Variants in PLEKHA5 observed in about 807,000 individuals in gnomAD.
PLEKHA5 encodes the protein pleckstrin homology domain-containing family A member 5.
A neutral mutation model predicts 181.9 loss-of-function variants in PLEKHA5; 55 were observed. That is an observed-to-expected ratio of 0.30 (90% confidence interval 0.24 to 0.38). The LOEUF (loss-of-function observed/expected upper bound fraction) is 0.38, where lower values mean the gene tolerates loss of function less well. PLEKHA5 is among the 10% of genes least tolerant of loss of function. PLEKHA5 has a pLI of 1.00. For synonymous variants in PLEKHA5, 535 were observed against 529.4 expected, an observed-to-expected ratio of 1.01 and a Z score of -0.15; for missense variants, 1,432 against 1,549.5, an observed-to-expected ratio of 0.92 and a Z score of 1.27.
chr12:19,160,941 G>A (rs2042824307), intron 3 of PLEKHA5, among the ~76,000 whole-genome samples: 1 of 152,046 alleles, frequency 6.6e-6, no homozygotes, highest in Non-Finnish European at 1.5e-5. Flanking sequence ...ATTAGTAATA[G>A]TAAAAGCGTA....
rs752932978 is a variant in PLEKHA5 at position 19,129,904 on chromosome 12, C to G, written c.89+16C>G. On this transcript the variant is annotated intron_variant, in intron 1 of 31. Coordinates refer to ENST00000429027, the MANE Select transcript of PLEKHA5 (RefSeq NM_001256470.2). ...TCTTCATCAAGTAAAGAGCCGGGGACGGCACGGGGGCCCGCGGGGGCGGGA... is the reference window on the plus strand; with the variant it reads ...TCTTCATCAAGTAAAGAGCCGGGGAGGGCACGGGGGCCCGCGGGGGCGGGA... 12 of 1,590,104 alleles carry G rather than the reference C, an allele frequency of 7.5e-6. No homozygotes were observed. The highest frequency in any genetic ancestry group is 3.4e-6 in the Non-Finnish European group (4 of 1,166,882).
intron 10 of PLEKHA5, among the ~76,000 whole-genome samples, chr12:19,272,378 T>G (rs1404743670): frequency 6.6e-6 from 1 of 152,188 alleles, no homozygotes; most frequent in African/African-American, 2.4e-5. Context: ...ATGTGTCTTT[T>G]TGACTACTTT....
intron 3 of PLEKHA5, among the ~76,000 whole-genome samples, chr12:19,193,428 T>G (rs2051744751): frequency 6.6e-6 from 1 of 152,224 alleles, no homozygotes; most frequent in African/African-American, 2.4e-5. Flanking sequence ...ATCAATTTCT[T>G]ACTTCAAATG....
chr12:19,231,279 G>A (rs16915248), intron 3 of PLEKHA5, among the ~76,000 whole-genome samples: 12,533 of 151,802 alleles, frequency 0.083, 727 homozygotes, highest in African/African-American at 0.16. Flanking sequence ...TACAAGTGTA[G>A]AATTGACTGT....
chr12:19,358,077 T>C (rs1445486711), intron 26 of PLEKHA5, 151 bp from the exon 27 acceptor site: 1 of 611,548 alleles, frequency 1.6e-6, no homozygotes, highest in African/African-American at 1.9e-5. Context: ...CAATTTCATG[T>C]GCCTTTCTGG....
At chr12:19,206,347 A>G (rs1430244047) in intron 3 of PLEKHA5, among the ~76,000 whole-genome samples, 1 of 152,116 alleles carries the variant, frequency 6.6e-6, no homozygotes, top group African/African-American at 2.4e-5. Flanking sequence ...TTGATTATGT[A>G]TTTATAATAG....
intron 3 of PLEKHA5, among the ~76,000 whole-genome samples, chr12:19,172,355 A>T (rs901393748): frequency 1.4e-5 from 2 of 147,810 alleles, no homozygotes; most frequent in Non-Finnish European, 3.0e-5. Flanking sequence ...AAATGTCATT[A>T]TGTGGTTCAT....
chr12:19,287,294 G>A (rs1437137799), intron 12 of PLEKHA5, among the ~76,000 whole-genome samples, 179 bp from the exon 13 acceptor site: 1 of 152,108 alleles, frequency 6.6e-6, no homozygotes, highest in Admixed American at 6.5e-5. Flanking sequence ...GTGAGCCACC[G>A]CACCCAGCCC....
At chr12:19,138,238 A>G (rs997141506) in intron 3 of PLEKHA5, among the ~76,000 whole-genome samples, 8 of 152,092 alleles carry the variant, frequency 5.3e-5, no homozygotes, top group Non-Finnish European at 1.0e-4. Flanking sequence ...TTAAGGGTGA[A>G]AAGTTATGTG....
intron 3 of PLEKHA5, chr12:19,200,405 A>G: frequency 6.6e-7 from 1 of 1,511,198 alleles, no homozygotes; most frequent in South Asian, 1.2e-5. Context: ...GCCTATGACT[A>G]GCTTCACTTC....
At chr12:19,145,078 A>G (rs1404276785) in intron 3 of PLEKHA5, among the ~76,000 whole-genome samples, 1 of 152,180 alleles carries the variant, frequency 6.6e-6, no homozygotes, top group African/African-American at 2.4e-5. Flanking sequence ...GCAGAGTTCA[A>G]ACATGAGGAT....
intron 20 of PLEKHA5, among the ~76,000 whole-genome samples, chr12:19,332,600 C>T (rs2092957159): frequency 6.6e-6 from 1 of 152,182 alleles, no homozygotes; most frequent in African/African-American, 2.4e-5. Flanking sequence ...AGTGATCCTC[C>T]CCCTGCCCAG....
At chr12:19,290,533 A>AC in intron 13 of PLEKHA5, 144 bp from the exon 14 acceptor site, 1 of 570,968 alleles carries the variant, frequency 1.8e-6, no homozygotes, top group Non-Finnish European at 3.0e-6. Context: ...TTTATGTAGG[A>AC]CCTATCATCA....
intron 3 of PLEKHA5, among the ~76,000 whole-genome samples, chr12:19,163,037 CT>C (rs1389553955): frequency 6.6e-6 from 1 of 152,104 alleles, no homozygotes; most frequent in Non-Finnish European, 1.5e-5. Flanking sequence ...ATATTGTCTC[CT>C]TTAATACTTA....
At chr12:19,350,709 A>G (rs2094550860) in intron 25 of PLEKHA5, among the ~76,000 whole-genome samples, 1 of 152,166 alleles carries the variant, frequency 6.6e-6, no homozygotes, top group Non-Finnish European at 1.5e-5. Context: ...CAGAGGTTAC[A>G]GTGAGCCAAG....
chr12:19,218,902 TA>T (rs1411648922), intron 3 of PLEKHA5, among the ~76,000 whole-genome samples: 11 of 58,756 alleles, frequency 1.9e-4, no homozygotes, highest in Non-Finnish European at 3.9e-4. Context: ...TAATTATTAT[TA>T]TTATTTTTTT....
At chr12:19,251,387 A>G (rs2065230523) in intron 3 of PLEKHA5, among the ~76,000 whole-genome samples, 1 of 146,854 alleles carries the variant, frequency 6.8e-6, no homozygotes, top group Non-Finnish European at 1.5e-5. Context: ...AGCCTGGGCA[A>G]CAGAGCAAAA....
intron 3 of PLEKHA5, among the ~76,000 whole-genome samples, chr12:19,215,255 C>T (rs2152244825): frequency 6.6e-6 from 1 of 151,920 alleles, no homozygotes; most frequent in Admixed American, 6.5e-5. Context: ...ACTTCCTTGT[C>T]AGTTTAAGCT....
chr12:19,184,261 G>A (rs1565438399), intron 3 of PLEKHA5, among the ~76,000 whole-genome samples: 1 of 152,052 alleles, frequency 6.6e-6, no homozygotes, highest in Non-Finnish European at 1.5e-5. Context: ...CAGTCTTGTT[G>A]CCTAGACCTT....
Sources: allele counts gnomAD v4.1 joint callset (sites outside exome capture counted in the v4.1 genomes callset), GRCh38; gene constraint gnomAD v4.1.1; transcripts MANE v1.5; gene names NCBI Gene and HGNC (gene_info 2026-07-23, HGNC 2026-07-21).